The following WDR70 variants were observed in gnomAD, a reference collection of about 807,000 sequenced individuals.
WDR70 encodes WD repeat-containing protein 70.
A neutral mutation model predicts 88.6 loss-of-function variants in WDR70; 53 were observed. The ratio of observed to expected loss-of-function variants is 0.60; its 90% CI spans 0.48 to 0.75. The LOEUF (loss-of-function observed/expected upper bound fraction) is 0.75, where lower values mean the gene tolerates loss of function less well. Ranked by LOEUF, WDR70 falls within the 30% of genes least tolerant of loss-of-function variation. The pLI is 0.00. For synonymous variants in WDR70, 280 were observed against 270.0 expected, an observed-to-expected ratio of 1.04 and a Z score of -0.36; for missense variants, 610 against 823.2, an observed-to-expected ratio of 0.74 and a Z score of 3.17.
intron 10 of WDR70, among the ~76,000 whole-genome samples, chr5:37,623,307 C>T (rs1476070049): frequency 1.3e-5 from 2 of 152,028 alleles, no homozygotes; most frequent in Non-Finnish European, 2.9e-5. Flanking sequence ...TAACTGAATT[C>T]CTGGAATTCA....
chr5:37,567,015 T>C (rs1742764453), intron 9 of WDR70, among the ~76,000 whole-genome samples: 2 of 152,192 alleles, frequency 1.3e-5, no homozygotes, highest in Admixed American at 6.5e-5. Flanking sequence ...TCTCCAAAAT[T>C]AATAATAGTA....
In WDR70 at chr5:37,437,981, A is replaced by G; in HGVS notation, c.552A>G (p.Thr184=). The change falls in exon 6 of 18, where the codon ACA becomes ACG. Residue 184 remains threonine, a splice_region_variant and synonymous_variant. Transcript: ENST00000265107. ...HEITLKHGTK[T]VSALGLDPSG... The stretch of plus-strand genomic sequence containing the variant: ...TAACGCTGAAGCATGGCACTAAAAC[A>G]GTAAGTTTAAAAATCTAGTTTTTTC... 1 of 1,607,746 alleles carries G rather than the reference A, an allele frequency of 6.2e-7. No homozygotes were observed. The highest frequency in any genetic ancestry group is 8.5e-7 in the Non-Finnish European group (1 of 1,177,054).
At chr5:37,487,618 TATATATGTA>T (rs1439270984) in intron 8 of WDR70, among the ~76,000 whole-genome samples, 857 of 45,754 alleles carry the variant, frequency 0.019, 6 homozygotes, top group South Asian at 0.075. Flanking sequence ...TATATATATA[TATATATGTA>T]TTTTTTTTTT....
chr5:37,527,270 C>G (rs549237003), intron 9 of WDR70, among the ~76,000 whole-genome samples: 24 of 152,150 alleles, frequency 1.6e-4, no homozygotes, highest in South Asian at 6.2e-4. Context: ...GCATGGTACT[C>G]GTACCAAAAC....
At chr5:37,461,347 C>G (rs1738998044) in intron 7 of WDR70, among the ~76,000 whole-genome samples, 1 of 152,082 alleles carries the variant, frequency 6.6e-6, no homozygotes, top group African/African-American at 2.4e-5. Context: ...TCCTTACCTT[C>G]TTAACCTCAC....
intron 10 of WDR70, among the ~76,000 whole-genome samples, chr5:37,675,537 T>G (rs1428380055): frequency 3.9e-5 from 6 of 152,132 alleles, no homozygotes; most frequent in Non-Finnish European, 7.3e-5. Context: ...AAAGATCAGA[T>G]AGTTGTAGAT....
At chr5:37,512,932 T>G (rs1740764257) in intron 8 of WDR70, among the ~76,000 whole-genome samples, 1 of 152,148 alleles carries the variant, frequency 6.6e-6, no homozygotes, top group African/African-American at 2.4e-5. Context: ...AATAAGGTCA[T>G]GTTTACATGT....
chr5:37,488,863 TTG>T (rs1366127031), intron 8 of WDR70, among the ~76,000 whole-genome samples: 1 of 152,238 alleles, frequency 6.6e-6, no homozygotes, highest in Non-Finnish European at 1.5e-5. Context: ...CCTTGCTTTT[TTG>T]TGTTTCTTGT....
chr5:37,548,864 T>G (rs1742068072), intron 9 of WDR70, among the ~76,000 whole-genome samples: 2 of 152,258 alleles, frequency 1.3e-5, no homozygotes, highest in Non-Finnish European at 2.9e-5. Context: ...TGCATATGGA[T>G]ATCCAGTTTT....
At chr5:37,681,574 A>G (rs1302962229) in intron 10 of WDR70, among the ~76,000 whole-genome samples, 1 of 152,108 alleles carries the variant, frequency 6.6e-6, no homozygotes, top group African/African-American at 2.4e-5. Flanking sequence ...TTTGTCATAG[A>G]TGGCTCTTAT....
intron 9 of WDR70, among the ~76,000 whole-genome samples, chr5:37,594,359 T>G (rs998265995): frequency 1.1e-4 from 16 of 152,222 alleles, no homozygotes; most frequent in African/African-American, 2.4e-5. Context: ...GCTTTCTACA[T>G]ATGGCTAGCC....
At chr5:37,734,683 G>T (rs1748248051) in intron 17 of WDR70, among the ~76,000 whole-genome samples, 1 of 152,032 alleles carries the variant, frequency 6.6e-6, no homozygotes, top group Non-Finnish European at 1.5e-5. Context: ...GGTCAGGGAA[G>T]AACGTCTACA....
intron 6 of WDR70, among the ~76,000 whole-genome samples, chr5:37,441,668 A>C (rs1304241944): frequency 6.6e-6 from 1 of 152,080 alleles, no homozygotes; most frequent in Non-Finnish European, 1.5e-5. Flanking sequence ...AAATACAAAA[A>C]TAAGCTGGGC....
chr5:37,432,419 C>A (rs955531032), intron 5 of WDR70, among the ~76,000 whole-genome samples: 1 of 152,158 alleles, frequency 6.6e-6, no homozygotes, highest in African/African-American at 2.4e-5. Context: ...GACGTAGTCT[C>A]GCTCTGTGGC....
At chr5:37,383,139 A>G (rs1214443498) in intron 3 of WDR70, among the ~76,000 whole-genome samples, 3 of 152,220 alleles carry the variant, frequency 2.0e-5, no homozygotes, top group Non-Finnish European at 2.9e-5. Context: ...AAAACGTTGT[A>G]CAGCAGCAAT....
intron 5 of WDR70, among the ~76,000 whole-genome samples, chr5:37,411,981 A>C (rs1471699338): frequency 6.6e-6 from 1 of 152,012 alleles, no homozygotes; most frequent in Non-Finnish European, 1.5e-5. Flanking sequence ...TTGTTTATCT[A>C]TAATGGTAAT....
intron 8 of WDR70, among the ~76,000 whole-genome samples, chr5:37,511,801 C>T (rs1205268033): frequency 6.6e-6 from 1 of 152,134 alleles, no homozygotes; most frequent in African/African-American, 2.4e-5. Context: ...CTCCAGTTGT[C>T]CCCAGCACAT....
At chr5:37,712,814 G>T (rs1264194971) in intron 13 of WDR70, among the ~76,000 whole-genome samples, 7 of 152,176 alleles carry the variant, frequency 4.6e-5, no homozygotes, top group African/African-American at 1.7e-4. Flanking sequence ...TGATTCTTGT[G>T]CCTCAGCCTC....
Position 37,595,125 on chromosome 5 carries a change from G to T in WDR70, c.918-9939G>T, listed in dbSNP as rs561588639. On this transcript the variant is annotated intron_variant, in intron 9 of 17. Coordinates refer to ENST00000265107, the MANE Select transcript of WDR70 (RefSeq NM_018034.4). ...ACTTCCTCTTTTCCTAACTGAATAC[G>T]CTTTATTTCTTTCTCTTGCCTGATT... Among the ~76,000 whole-genome samples, 202 of 152,118 alleles carry T rather than the reference G, an allele frequency of 1.3e-3. 3 individuals carry two copies. Among genetic ancestry groups the T allele is most frequent in the African/African-American group, 4.7e-3 (194 of 41,514 alleles).
Sources: allele counts gnomAD v4.1 joint callset (sites outside exome capture counted in the v4.1 genomes callset), GRCh38; gene constraint gnomAD v4.1.1; transcripts MANE v1.5; gene names NCBI Gene and HGNC (gene_info 2026-07-23, HGNC 2026-07-21).